Variants in ACBD7 observed in about 807,000 individuals in gnomAD.
ACBD7 encodes acyl-CoA binding domain containing 7.
A neutral mutation model predicts 13.7 loss-of-function variants in ACBD7; 11 were observed. The observed-to-expected ratio is 0.80, with a 90% CI of 0.50 to 1.33. The LOEUF (loss-of-function observed/expected upper bound fraction) is 1.33. Ranked by LOEUF, ACBD7 falls within the 40% of genes most tolerant of loss-of-function variation. The pLI is 0.00. For synonymous variants in ACBD7, 43 were observed against 37.7 expected (o/e 1.14, Z -0.51); for missense variants, 111 against 103.0 (o/e 1.08, Z -0.33).
At chr10:15,079,110 G>T in intron 1 of ACBD7, 70 bp from the exon 2 acceptor site, 2 of 951,042 alleles carry the variant, frequency 2.1e-6, no homozygotes, top group Non-Finnish European at 3.2e-6. Flanking sequence ...CAAAGAGCAG[G>T]AAGAGGAAGG....
At chr10:15,088,314 C>A in intron 1 of ACBD7, 1 of 221,132 alleles carries the variant, frequency 4.5e-6, no homozygotes, top group East Asian at 9.3e-5. Flanking sequence ...ACCTATAAAA[C>A]AGTATTTTTA....
In ACBD7 at chr10:15,076,144, T is replaced by C. The variant is rs557808425; in HGVS notation, c.*2386A>G. On this transcript the variant is annotated 3_prime_UTR_variant, in exon 4 of 4. Coordinates refer to ENST00000356189, the MANE Select transcript of ACBD7 (RefSeq NM_001039844.3). Reference sequence around the variant, plus strand: ...GTAACATGAAGTGGATCTATTCCTCTGGTCATACCATTCCAAATCTAAATT... The same window carrying C: ...GTAACATGAAGTGGATCTATTCCTCCGGTCATACCATTCCAAATCTAAATT... 7.1e-6 allele frequency: 7 copies of C among 985,358 alleles called. No homozygotes were observed. In the African/African-American group the frequency reaches 8.7e-5, roughly 12 times the overall value. 61.0% of individuals were successfully genotyped at this position (985,358 alleles called of 1,614,324 possible). A position where few individuals can be genotyped will look rare whatever the true frequency, so the allele number is the denominator to read the frequency against.
At chr10:15,088,609 C>A (rs185878561) in intron 1 of ACBD7, 108 bp downstream of exon 1, 39 of 1,426,652 alleles carry the variant, frequency 2.7e-5, no homozygotes, top group Non-Finnish European at 3.4e-5. Context: ...GCGTGTCCCC[C>A]GGGTCACCGC....
rs1197035108 is a variant in ACBD7 at position 15,076,180 on chromosome 10, G to A, written c.*2350C>T. 1.0e-6 allele frequency: 1 copy of A among 984,980 alleles called. No homozygotes were observed. Among genetic ancestry groups the A allele is most frequent in the Non-Finnish European group, 1.2e-6 (1 of 829,842 alleles). 61.0% of individuals were successfully genotyped at this position (984,980 alleles called of 1,614,324 possible). On this transcript the variant is annotated 3_prime_UTR_variant, in exon 4 of 4. Transcript: ENST00000356189. ...TTCCAAATCTAAATTTTTATGCAGGGAATAGAGGTACACTGTTTTGGGGGA... is the reference window on the plus strand; with the variant it reads ...TTCCAAATCTAAATTTTTATGCAGGAAATAGAGGTACACTGTTTTGGGGGA...
At position 15,075,999 on chromosome 10, in the gene ACBD7, AAAAG is replaced by A; in HGVS notation, c.*2527_*2530del. On this transcript the variant is annotated 3_prime_UTR_variant, in exon 4 of 4. Coordinates refer to ENST00000356189, the MANE Select transcript of ACBD7 (RefSeq NM_001039844.3). ...AACAAAAAAAAAAAAAAAAAAAAAG[AAAAG>A]AAAAAGAATGTTATATAAATGGAAT... 1.5e-6 allele frequency: 1 copy of A among 654,176 alleles called. No individual in the cohort carries two copies. The highest frequency in any genetic ancestry group is 6.9e-5 in the South Asian group (1 of 14,528). The allele number at this position is 654,176 out of a possible 1,614,324, so 40.5% of individuals were successfully genotyped here. A position where few individuals can be genotyped will look rare whatever the true frequency, so the allele number is the denominator to read the frequency against.
intron 1 of ACBD7, chr10:15,088,486 T>C: frequency 1.7e-6 from 1 of 590,844 alleles, no homozygotes; most frequent in Non-Finnish European, 2.8e-6. Context: ...TTGCCTGCTT[T>C]TCCGCTCACC....
At position 15,088,746 on chromosome 10, in the gene ACBD7, T is replaced by G. The variant is rs780810801; in HGVS notation, c.-18A>C. Reference sequence around the variant, plus strand: ...AGGGCCATGGTGGCGGCTGCCGCGTTGTTGCTGCTGCTGTTGTCGTCCGGT... The same window carrying G: ...AGGGCCATGGTGGCGGCTGCCGCGTGGTTGCTGCTGCTGTTGTCGTCCGGT... On this transcript the variant is annotated 5_prime_UTR_variant, in exon 1 of 4. Coordinates refer to ENST00000356189, the MANE Select transcript of ACBD7 (RefSeq NM_001039844.3). 6.9e-6 allele frequency: 11 copies of G among 1,598,672 alleles called. No individual in the cohort carries two copies. The South Asian group carries it at 8.9e-5, about 13-fold the overall frequency.
rs938433052 is a variant in ACBD7 at position 15,083,434 on chromosome 10, A to G, written c.13-4394T>C. Among the ~76,000 whole-genome samples, 10 of 152,364 alleles carry G rather than the reference A, an allele frequency of 6.6e-5. No individual in the cohort carries two copies. In the East Asian group the frequency reaches 1.5e-3, roughly 24 times the overall value. Reference sequence around the variant, plus strand: ...GCTCCTCTAAGATGCAGCTTCGGCCACAAAAAGAGAATATCAGCCTCTTTT... The same window carrying G: ...GCTCCTCTAAGATGCAGCTTCGGCCGCAAAAAGAGAATATCAGCCTCTTTT... On this transcript the variant is annotated intron_variant, in intron 1 of 3. Transcript: ENST00000356189.
chr10:15,087,759 C>CA (rs1401551404), intron 1 of ACBD7, among the ~76,000 whole-genome samples: 4 of 148,344 alleles, frequency 2.7e-5, no homozygotes, highest in Non-Finnish European at 4.4e-5. Context: ...GCCTGGGTGA[C>CA]AGAGTGAGAC....
chr10:15,086,946 G>A (rs972848545), intron 1 of ACBD7, among the ~76,000 whole-genome samples: 3 of 151,624 alleles, frequency 2.0e-5, no homozygotes, highest in Non-Finnish European at 2.9e-5. Context: ...CCAGAAGGTG[G>A]AGGTTGCGGT....
At chr10:15,087,079 C>T (rs1589262486) in intron 1 of ACBD7, among the ~76,000 whole-genome samples, 1 of 151,242 alleles carries the variant, frequency 6.6e-6, no homozygotes, top group East Asian at 1.9e-4. Context: ...ACTTGGGAGG[C>T]TGAAGTGGCA....
At chr10:15,081,953 C>G (rs1050543947) in intron 1 of ACBD7, among the ~76,000 whole-genome samples, 2 of 152,152 alleles carry the variant, frequency 1.3e-5, no homozygotes, top group African/African-American at 4.8e-5. Context: ...GGCTCTGGAG[C>G]CAGACTGCCT....
rs193271388 is a variant in ACBD7 at position 15,082,650 on chromosome 10, G to C, written c.13-3610C>G. ...GTTTATAGGCCATCTCAGGTGTTCTGCTTGCTGTAAAGTCTCATATTATTT... is the reference window on the plus strand; with the variant it reads ...GTTTATAGGCCATCTCAGGTGTTCTCCTTGCTGTAAAGTCTCATATTATTT... On this transcript the variant is annotated intron_variant, in intron 1 of 3. Transcript: ENST00000356189. 3.0e-4 allele frequency among the ~76,000 whole-genome samples: 45 copies of C among 152,274 alleles called. 1 individual carries two copies. The highest frequency in any genetic ancestry group is 2.8e-3 in the Admixed American group (43 of 15,292).
At chr10:15,086,766 C>T (rs770642835) in intron 1 of ACBD7, among the ~76,000 whole-genome samples, 1 of 152,112 alleles carries the variant, frequency 6.6e-6, no homozygotes, top group African/African-American at 2.4e-5. Flanking sequence ...GTAATCCAAG[C>T]ACTTTGGGAG....
rs75847927 is a variant in ACBD7 at position 15,079,898 on chromosome 10, T to G, written c.13-858A>C. 6.1e-5 allele frequency among the ~76,000 whole-genome samples: 9 copies of G among 147,262 alleles called. 1 individual carries two copies. In the East Asian group the frequency reaches 1.7e-3, roughly 29 times the overall value. On this transcript the variant is annotated intron_variant, in intron 1 of 3. Transcript: ENST00000356189. ...AGCTGCTTTTCTTTTTTTTTTTTTTTGGCATTATTTATACTCATTGAAGGT... is the reference window on the plus strand; with the variant it reads ...AGCTGCTTTTCTTTTTTTTTTTTTTGGGCATTATTTATACTCATTGAAGGT...
rs1844695734 is a variant in ACBD7 at position 15,077,421 on chromosome 10, A to G, written c.*1109T>C. ...TTTCACTTATAAGTGGGAGTTAAAC[A>G]GGGTGTATACAGGGTCATGGAGTGT... On this transcript the variant is annotated 3_prime_UTR_variant, in exon 4 of 4. Transcript: ENST00000356189. The G allele has an allele frequency of 6.6e-6, 1 of 152,186 alleles. No individual in the cohort carries two copies. The highest frequency in any genetic ancestry group is 2.1e-4 in the South Asian group (1 of 4,832). 9.4% of individuals were successfully genotyped at this position (152,186 alleles called of 1,614,324 possible).
chr10:15,082,709 C>T (rs1300063910), intron 1 of ACBD7, among the ~76,000 whole-genome samples: 1 of 152,018 alleles, frequency 6.6e-6, no homozygotes, highest in Non-Finnish European at 1.5e-5. Context: ...TTTTGAGGTG[C>T]CAAGCCTTAA....
rs762741318 is a variant in ACBD7 at position 15,076,986 on chromosome 10, G to C, written c.*1544C>G. The C allele has an allele frequency of 3.1e-4, 294 of 948,302 alleles. No homozygotes were observed. Among genetic ancestry groups the C allele is most frequent in the Non-Finnish European group, 3.5e-4 (281 of 796,400 alleles). The allele number at this position is 948,302 out of a possible 1,614,324, so 58.7% of individuals were successfully genotyped here. On this transcript the variant is annotated 3_prime_UTR_variant, in exon 4 of 4. Transcript: ENST00000356189. ...AAGGGAATGCTTATACACTATTGGT[G>C]GGAATGTAAATTAGTACAACCTCTA...
Position 15,078,698 on chromosome 10 carries a change from G to C in ACBD7, c.186C>G (p.Leu62=). 6.2e-7 allele frequency: 1 copy of C among 1,613,868 alleles called. No homozygotes were observed. The highest frequency in any genetic ancestry group is 2.2e-5 in the East Asian group (1 of 44,872). The change falls in exon 3 of 4, where the codon CTC becomes CTG. Residue 62 remains leucine, a synonymous_variant. Coordinates refer to ENST00000356189, the MANE Select transcript of ACBD7 (RefSeq NM_001039844.3). ...KGKAKWEAWN[L]KKGLSTEDAT... is the part of the protein sequence containing the mutation. The stretch of plus-strand genomic sequence containing the variant: ...TGTGAAAGACTAAAAAACCTTTTTT[G>C]AGGTTCCATGCTTCCCATTTGGCTT...
Sources: gnomAD v4.1 joint callset for allele counts (sites outside exome capture counted in the v4.1 genomes callset) on GRCh38, gnomAD v4.1.1 for gene constraint, MANE v1.5 for transcripts, NCBI Gene and HGNC (gene_info 2026-07-23, HGNC 2026-07-21) for gene names.